The following MMP1 variants were observed in gnomAD, a reference collection of about 807,000 sequenced individuals.
The protein encoded by MMP1 is matrix metallopeptidase 1.
In MMP1, 51 loss-of-function variants were observed where a neutral mutation model predicts 49.6. The observed-to-expected ratio is 1.03, with a 90% CI of 0.82 to 1.30. MMP1 has a LOEUF of 1.30. Ranked by LOEUF, MMP1 falls within the 50% of genes most tolerant of loss-of-function variation. The probability of loss-of-function intolerance (pLI) is 0.00; values close to 1 mark genes in which losing one functional copy is unlikely to be tolerated. For missense variants in MMP1, 623 were observed against 568.7 expected (o/e 1.10, Z -0.97); for synonymous variants, 230 against 196.8 (o/e 1.17, Z -1.41).
At chr11:102,791,596 C>T (rs1373036426) in intron 7 of MMP1, 101 bp from the exon 8 acceptor site, 5 of 1,266,736 alleles carry the variant, frequency 3.9e-6, no homozygotes, top group East Asian at 2.3e-5. Flanking sequence ...AGTGCAGTAC[C>T]CTGGCTGCAG....
In MMP1 at chr11:102,798,136, T is replaced by C. The variant is rs891132123; in HGVS notation, c.-44A>G. 7.9e-6 allele frequency: 12 copies of C among 1,510,834 alleles called. No homozygotes were observed. The African/African-American group carries it at 1.7e-4, about 21-fold the overall frequency. The allele number at this position is 1,510,834 out of a possible 1,614,324, so 93.6% of individuals were successfully genotyped here. ...TCTCAGTGCAAGGTAAGTGATGGCT[T>C]CCCAGCCTCTTGCTGCTCCAATATC... On this transcript the variant is annotated 5_prime_UTR_variant, in exon 1 of 10. Transcript: ENST00000315274.
At position 102,790,812 on chromosome 11, in the gene MMP1, C is replaced by A; in HGVS notation, c.1197-6G>T. The A allele has an allele frequency of 6.5e-7, 1 of 1,543,132 alleles. No individual in the cohort carries two copies. Among genetic ancestry groups the A allele is most frequent in the South Asian group, 1.1e-5 (1 of 89,082 alleles). On this transcript the variant is annotated splice_region_variant and splice_polypyrimidine_tract_variant and intron_variant, in intron 8 of 9. Transcript: ENST00000315274. ...ATCGTTTATATTCATCATACCTGGTCAGAAAAGAGTTAAGAGTGTCAGACC... is the reference window on the plus strand; with the variant it reads ...ATCGTTTATATTCATCATACCTGGTAAGAAAAGAGTTAAGAGTGTCAGACC...
At chr11:102,796,634 A>G (rs929439514) in intron 4 of MMP1, 30 bp downstream of exon 4, 1 of 1,607,492 alleles carries the variant, frequency 6.2e-7, no homozygotes, top group Non-Finnish European at 8.5e-7. Flanking sequence ...GGGGTGGGAG[A>G]ATTGAGAGAG....
intron 8 of MMP1, among the ~76,000 whole-genome samples, 179 bp from the exon 9 acceptor site, chr11:102,790,985 C>G (rs531195648): frequency 1.3e-5 from 2 of 152,326 alleles, no homozygotes; most frequent in Non-Finnish European, 2.9e-5. Context: ...GCCTTTAAGG[C>G]CCCTCTGAAA....
intron 6 of MMP1, 61 bp downstream of exon 6, chr11:102,795,113 C>T: frequency 1.6e-6 from 2 of 1,249,702 alleles, no homozygotes; most frequent in East Asian, 4.6e-5. Context: ...AATAGTTAAT[C>T]ATAGTGGTGA....
intron 7 of MMP1, among the ~76,000 whole-genome samples, chr11:102,792,364 A>G (rs1156627747): frequency 1.3e-5 from 2 of 152,204 alleles, no homozygotes; most frequent in African/African-American, 4.8e-5. Context: ...ATTTTTGTAA[A>G]TCTAGATTCA....
chr11:102,794,938 T>C lies in MMP1; in HGVS notation c.899+236A>G, dbSNP rs2071232. On this transcript the variant is annotated intron_variant, in intron 6 of 9. Coordinates refer to ENST00000315274, the MANE Select transcript of MMP1 (RefSeq NM_002421.4). This position sits in a 1 kb window ranked among gnomAD's most constrained non-coding sequence, Gnocchi z 4.3. ...TTTGCTAATCTGTAAAAAAAGATCA[T>C]ACATACTGATTTTCAAAATCAACTA... Among the ~76,000 whole-genome samples the C allele has an allele frequency of 0.19, 29,472 of 152,246 alleles. 3,200 individuals are homozygous for C. Among genetic ancestry groups the C allele is most frequent in the East Asian group, 0.46 (2,397 of 5,176 alleles).
Position 102,790,502 on chromosome 11 carries a change from A to G in MMP1, c.1320T>C (p.His440=), listed in dbSNP as rs1289369646. 2 of 1,598,590 alleles carry G rather than the reference A, an allele frequency of 1.3e-6. No homozygotes were observed. The highest frequency in any genetic ancestry group is 1.7e-5 in the Admixed American group (1 of 58,208). The change falls in exon 10 of 10, where the codon CAT becomes CAC. Residue 440 remains histidine, a synonymous_variant. Coordinates refer to ENST00000315274, the MANE Select transcript of MMP1 (RefSeq NM_002421.4). ...GATCAAATTTGTATTGTCTTGTTCC[A>G]TGAAAGAAATAGAAAAATCCTAGAA... ...FMKDGFFYFF[H]GTRQYKFDPK...
chr11:102,790,385 T>C lies in MMP1; in HGVS notation c.*27A>G, dbSNP rs753536505. 11 of 1,360,338 alleles carry C rather than the reference T, an allele frequency of 8.1e-6. No homozygotes were observed. The highest frequency in any genetic ancestry group is 8.3e-6 in the Non-Finnish European group (8 of 960,706). The allele number at this position is 1,360,338 out of a possible 1,614,324, so 84.3% of individuals were successfully genotyped here. On this transcript the variant is annotated 3_prime_UTR_variant, in exon 10 of 10. Coordinates refer to ENST00000315274, the MANE Select transcript of MMP1 (RefSeq NM_002421.4). ...AAACACCTTCTTTGGACTCACACCATGTGTTTTCCATTCAAATTAGTAATG... is the reference window on the plus strand; with the variant it reads ...AAACACCTTCTTTGGACTCACACCACGTGTTTTCCATTCAAATTAGTAATG...
chr11:102,796,628 T>G (rs768059232), intron 4 of MMP1, 36 bp downstream of exon 4: 2 of 1,601,084 alleles, frequency 1.2e-6, no homozygotes, highest in African/African-American at 2.7e-5. Flanking sequence ...CATGAAGGGG[T>G]GGGAGAATTG....
In MMP1 at chr11:102,798,054, C is replaced by G. The variant is rs1858255987; in HGVS notation, c.39G>C (p.Trp13Cys). ...SFPPLLLLLF[W>C]GVVSHSFPAT... ...CTGGGAAGCTGTGAGACACCACACC[C>G]CAGAACAGCAGCAGCAGCAGTGGAG... The change falls in exon 1 of 10, where the codon TGG becomes TGC. Residue 13 changes from tryptophan to cysteine, a missense_variant. Coordinates refer to ENST00000315274, the MANE Select transcript of MMP1 (RefSeq NM_002421.4). 10 of 1,613,110 alleles carry G rather than the reference C, an allele frequency of 6.2e-6. No individual in the cohort carries two copies. Among genetic ancestry groups the G allele is most frequent in the Admixed American group, 5.0e-5 (3 of 59,968 alleles).
Position 102,797,102 on chromosome 11 carries a change from G to C in MMP1, c.411C>G (p.Ala137=). The change falls in exon 3 of 10, where the codon GCC becomes GCG. Residue 137 remains alanine (A), a synonymous_variant. Transcript: ENST00000315274. ...GTGTGACATTACTCCAGAGTTGGAA[G>C]GCTTTCTCAATGGCATGGTCCACAT... ...RADVDHAIEK[A]FQLWSNVTPL... is the part of the protein sequence containing the mutation. The C allele has an allele frequency of 6.2e-7, 1 of 1,614,214 alleles. No homozygotes were observed. The highest frequency in any genetic ancestry group is 1.1e-5 in the South Asian group (1 of 91,088).
chr11:102,795,775 A>G (rs1420496008), intron 4 of MMP1, among the ~76,000 whole-genome samples, 168 bp from the exon 5 acceptor site: 1 of 152,226 alleles, frequency 6.6e-6, no homozygotes, highest in Non-Finnish European at 1.5e-5. Context: ...GCATGCATTT[A>G]TTAATAACGA....
chr11:102,797,213 T>G (rs374046982), intron 2 of MMP1, 43 bp downstream of exon 2: 1 of 1,613,456 alleles, frequency 6.2e-7, no homozygotes, highest in Non-Finnish European at 8.5e-7. Context: ...CTTACCACTG[T>G]CATGGGAAAT....
Position 102,791,567 on chromosome 11 carries a change from G to A in MMP1, c.1034-72C>T, listed in dbSNP as rs376032985. On this transcript the variant is annotated intron_variant, in intron 7 of 9. Transcript: ENST00000315274. ...AGGCAGTAAGTGAATTTTCAGCTAAGTTCTTAGTTTCACATGCTAGTGCAG... is the reference window on the plus strand; with the variant it reads ...AGGCAGTAAGTGAATTTTCAGCTAAATTCTTAGTTTCACATGCTAGTGCAG... The A allele has an allele frequency of 5.8e-6, 9 of 1,551,668 alleles. No individual in the cohort carries two copies. The African/African-American group carries it at 1.2e-4, about 21-fold the overall frequency.
chr11:102,796,054 G>C (rs537761564), intron 4 of MMP1, among the ~76,000 whole-genome samples: 1 of 152,098 alleles, frequency 6.6e-6, no homozygotes, highest in Non-Finnish European at 1.5e-5. Flanking sequence ...GGGTTCAGGC[G>C]GTTCTCCTGC....
At position 102,796,966 on chromosome 11, in the gene MMP1, C is replaced by T. The variant is rs144507775; in HGVS notation, c.499+48G>A. The T allele has an allele frequency of 2.5e-4, 397 of 1,572,772 alleles. No homozygotes were observed. The African/African-American group carries it at 4.1e-3, about 16-fold the overall frequency. On this transcript the variant is annotated intron_variant, in intron 3 of 9. Coordinates refer to ENST00000315274, the MANE Select transcript of MMP1 (RefSeq NM_002421.4). Reference sequence around the variant, plus strand: ...ACAATCAATTCCAGTTGCAAAGCTACGAGATCTAGGGGCAAGGTGAGGTTA... The same window carrying T: ...ACAATCAATTCCAGTTGCAAAGCTATGAGATCTAGGGGCAAGGTGAGGTTA...
In MMP1 at chr11:102,795,536, C is replaced by T. The variant is rs775505104; in HGVS notation, c.697G>A (p.Gly233Arg). The change falls in exon 5 of 10, where the codon GGG becomes AGG. Residue 233 changes from glycine to arginine, a missense_variant. Physicochemically the swap from Gly to Arg is moderately radical, Grantham distance 125 (BLOSUM62 -2). Coordinates refer to ENST00000315274, the MANE Select transcript of MMP1 (RefSeq NM_002421.4). ...SLGLSHSTDIGALMYPSYTFS... is the reference protein window; with the variant it reads ...SLGLSHSTDIRALMYPSYTFS... ...GTGTAGCTAGGGTACATCAAAGCCCCGATATCAGTAGAATGGGAGAGTCCA... is the reference window on the plus strand; with the variant it reads ...GTGTAGCTAGGGTACATCAAAGCCCTGATATCAGTAGAATGGGAGAGTCCA... 11 of 1,613,772 alleles carry T rather than the reference C, an allele frequency of 6.8e-6. No individual in the cohort carries two copies. The highest frequency in any genetic ancestry group is 2.2e-5 in the East Asian group (1 of 44,892).
intron 2 of MMP1, 43 bp downstream of exon 2, chr11:102,797,213 T>A (rs374046982): frequency 1.7e-5 from 27 of 1,613,574 alleles, no homozygotes; most frequent in Non-Finnish European, 2.3e-5. Context: ...CTTACCACTG[T>A]CATGGGAAAT....
Sources: gnomAD v4.1 joint callset for allele counts (sites outside exome capture counted in the v4.1 genomes callset) on GRCh38, gnomAD v4.1.1 for gene constraint, Gnocchi (gnomAD v3.1) non-coding constraint, MANE v1.5 for transcripts, NCBI Gene and HGNC (gene_info 2026-07-23, HGNC 2026-07-21) for gene names.